The following RUFY2 variants were observed in gnomAD, a reference collection of about 807,000 sequenced individuals.
RUFY2 encodes RUN and FYVE domain-containing protein 2.
A neutral mutation model predicts 94.4 loss-of-function variants in RUFY2; 49 were observed. The observed-to-expected ratio is 0.52, with a 90% CI of 0.41 to 0.66. The LOEUF (loss-of-function observed/expected upper bound fraction) is 0.66, where lower values mean the gene tolerates loss of function less well. RUFY2 is among the 30% of genes least tolerant of loss of function. The pLI, the probability that RUFY2 is intolerant of heterozygous loss-of-function variation, is 0.00. For missense variants in RUFY2, 541 were observed against 692.8 expected (o/e 0.78, Z 2.46); for synonymous variants, 255 against 235.7 (o/e 1.08, Z -0.75).
chr10:68,381,457 T>C (rs952131771), intron 10 of RUFY2, 58 bp from the exon 11 acceptor site: 6 of 1,512,876 alleles, frequency 4.0e-6, no homozygotes, highest in East Asian at 2.3e-5. Context: ...AAATTAGATA[T>C]ACTTTAAGAA....
chr10:68,350,791 C>A (rs1199885491), intron 16 of RUFY2, among the ~76,000 whole-genome samples: 1 of 152,066 alleles, frequency 6.6e-6, no homozygotes, highest in Admixed American at 6.6e-5. Context: ...CAGCTCACCA[C>A]AACCTCCGCC....
At chr10:68,395,621 G>A (rs1332500641) in intron 4 of RUFY2, among the ~76,000 whole-genome samples, 1 of 152,108 alleles carries the variant, frequency 6.6e-6, no homozygotes, top group Non-Finnish European at 1.5e-5. Flanking sequence ...TCTAAAAACT[G>A]TTGAAAAAGA....
rs1263922397 is a variant in RUFY2, at chr10:68,359,789, C to CAA, written c.1550+3799_1550+3800dup. ...CCTAAGCAACAGAACAACTCCGTCT[C>CAA]AAAAAAAAAAAAAGATAGATTTGGA... On this transcript the variant is annotated intron_variant, in intron 15 of 17. Transcript: ENST00000602465. 1.1e-4 allele frequency among the ~76,000 whole-genome samples: 13 copies of CAA among 122,158 alleles called. No homozygotes were observed. The South Asian group carries it at 1.8e-3, about 17-fold the overall frequency. The allele number at this position is 122,158 out of a possible 152,430, so 80.1% of individuals were successfully genotyped here. A position where few individuals can be genotyped will look rare whatever the true frequency, so the allele number is the denominator to read the frequency against.
chr10:68,342,570 T>A (rs1282022224), downstream of RUFY2: 2 of 152,542 alleles, frequency 1.3e-5, no homozygotes, highest in East Asian at 3.8e-4. Flanking sequence ...ATATTATTAT[T>A]TTTCAAATGT....
At chr10:68,401,579 A>C in intron 3 of RUFY2, 41 bp downstream of exon 3, 1 of 1,237,426 alleles carries the variant, frequency 8.1e-7, no homozygotes, top group Non-Finnish European at 1.2e-6. Flanking sequence ...CAATGAATAC[A>C]CTTCTGTGGC....
chr10:68,395,829 A>G (rs1441028596), intron 4 of RUFY2, among the ~76,000 whole-genome samples: 1 of 152,208 alleles, frequency 6.6e-6, no homozygotes, highest in African/African-American at 2.4e-5. Context: ...GAAAACCACA[A>G]TGTAAAACCA....
intron 3 of RUFY2, 53 bp from the exon 4 acceptor site, chr10:68,396,934 C>T (rs2050437249): frequency 8.5e-7 from 1 of 1,177,552 alleles, no homozygotes; most frequent in East Asian, 2.3e-5. Context: ...AAGATCACAT[C>T]TTCTGTCTCT....
intron 16 of RUFY2, among the ~76,000 whole-genome samples, chr10:68,354,845 GTTTCT>G (rs1185296050): frequency 4.6e-5 from 4 of 86,336 alleles, no homozygotes; most frequent in Non-Finnish European, 6.8e-5. Context: ...TCTAAGGTCA[GTTTCT>G]TTTTTTTTTT....
At chr10:68,405,697 A>G (rs2051239080) in intron 1 of RUFY2, 3 of 983,192 alleles carry the variant, frequency 3.1e-6, no homozygotes, top group Admixed American at 1.2e-4. Context: ...AAGCCGTCCA[A>G]TTCTTTCGTC....
chr10:68,393,768 T>G (rs2050175273), intron 6 of RUFY2: 3 of 325,386 alleles, frequency 9.2e-6, no homozygotes, highest in African/African-American at 2.3e-5. Flanking sequence ...AGTAAACCAG[T>G]ATTTGCAAAC....
chr10:68,356,017 C>G (rs1367132987), intron 15 of RUFY2, among the ~76,000 whole-genome samples: 1 of 151,880 alleles, frequency 6.6e-6, no homozygotes, highest in African/African-American at 2.4e-5. Context: ...CCTTTGCATG[C>G]ATAATCTCAT....
intron 13 of RUFY2, among the ~76,000 whole-genome samples, chr10:68,369,847 T>C (rs769889344): frequency 6.6e-6 from 1 of 152,184 alleles, no homozygotes; most frequent in Non-Finnish European, 1.5e-5. Context: ...TGCCATGTTA[T>C]GATGCAGCAC....
chr10:68,377,646 A>G (rs2048765102), intron 12 of RUFY2: 1 of 985,040 alleles, frequency 1.0e-6, no homozygotes, highest in Non-Finnish European at 1.2e-6. Context: ...AAACATTGTG[A>G]TTTTCATCTT....
At chr10:68,351,379 A>AC (rs2046658105) in intron 16 of RUFY2, among the ~76,000 whole-genome samples, 4 of 143,150 alleles carry the variant, frequency 2.8e-5, no homozygotes, top group African/African-American at 1.1e-4. Flanking sequence ...CTTGTGATCC[A>AC]CCCGCCTTGG....
intron 1 of RUFY2, chr10:68,405,371 T>C: frequency 1.8e-6 from 1 of 555,838 alleles, no homozygotes; most frequent in South Asian, 7.9e-5. Context: ...CCATGACCAC[T>C]CCAGCCAAAG....
intron 15 of RUFY2, among the ~76,000 whole-genome samples, chr10:68,356,631 T>C (rs2047073468): frequency 6.6e-6 from 1 of 151,796 alleles, no homozygotes; most frequent in African/African-American, 2.4e-5. Context: ...CACTGCAACC[T>C]CTGCCTCGTA....
chr10:68,389,794 CA>C (rs138643775), intron 7 of RUFY2, among the ~76,000 whole-genome samples: 20 of 142,010 alleles, frequency 1.4e-4, no homozygotes, highest in Admixed American at 4.2e-4. Context: ...GCTCTCGTCT[CA>C]AAAAAAAAAG....
intron 13 of RUFY2, among the ~76,000 whole-genome samples, chr10:68,376,471 TATATATATATATATATATA>T (rs2048670793): frequency 7.6e-5 from 3 of 39,638 alleles, no homozygotes; most frequent in African/African-American, 2.9e-4. Flanking sequence ...TATATATATA[TATATATATATATATATATA>T]TTCTCAGAAA....
rs2046167502 is a variant in RUFY2, at chr10:68,344,539, A to T, written c.*1229T>A. The stretch of plus-strand genomic sequence containing the variant: ...AGTGTTCATTGAGTCAGCTTGAAAT[A>T]GGTCAAGTGTACTGGCCAGGTGCTG... On this transcript the variant is annotated 3_prime_UTR_variant, in exon 18 of 18. Coordinates refer to ENST00000602465, the MANE Select transcript of RUFY2 (RefSeq NM_001330103.2). The T allele has an allele frequency of 6.6e-6, 1 of 152,230 alleles. No individual in the cohort carries two copies. Among genetic ancestry groups the T allele is most frequent in the African/African-American group, 2.4e-5 (1 of 41,464 alleles). The allele number at this position is 152,230 out of a possible 1,614,324, so 9.4% of individuals were successfully genotyped here.
Sources: allele counts gnomAD v4.1 joint callset (sites outside exome capture counted in the v4.1 genomes callset), GRCh38; gene constraint gnomAD v4.1.1; transcripts MANE v1.5; gene names NCBI Gene and HGNC (gene_info 2026-07-23, HGNC 2026-07-21).